Variants in RNF185 observed in about 807,000 individuals in gnomAD.
The protein encoded by RNF185 is ring finger protein 185, also known as E3 ubiquitin-protein ligase RNF185.
A neutral mutation model predicts 24.9 loss-of-function variants in RNF185; 13 were observed. That is an observed-to-expected ratio of 0.52 (90% CI 0.34 to 0.83). RNF185 has a LOEUF of 0.83. RNF185 is among the 40% of genes least tolerant of loss of function. RNF185 has a pLI of 0.01. For missense variants in RNF185, 184 were observed against 244.7 expected (o/e 0.75, Z 1.65); for synonymous variants, 79 against 90.3 (o/e 0.88, Z 0.71).
chr22:31,192,263 G>C (rs1167652607), intron 2 of RNF185, among the ~76,000 whole-genome samples: 2 of 152,210 alleles, frequency 1.3e-5, no homozygotes, highest in African/African-American at 4.8e-5. Context: ...GTGTAAAATA[G>C]TGTGTAGTAC....
At chr22:31,176,711 A>G (rs1347191240) in intron 1 of RNF185, among the ~76,000 whole-genome samples, 1 of 151,596 alleles carries the variant, frequency 6.6e-6, no homozygotes, top group African/African-American at 2.4e-5. Flanking sequence ...GATGGTCTCG[A>G]TCTCCTGACC....
At chr22:31,170,072 C>T (rs920698432) in intron 1 of RNF185, among the ~76,000 whole-genome samples, 5 of 152,212 alleles carry the variant, frequency 3.3e-5, no homozygotes, top group Non-Finnish European at 5.9e-5. Context: ...GTCCTGGGTC[C>T]AGTTGCCAGG....
chr22:31,200,013 C>A lies in RNF185; in HGVS notation c.364-1485C>A, dbSNP rs116501741. Among the ~76,000 whole-genome samples, 779 of 152,234 alleles carry A rather than the reference C, an allele frequency of 5.1e-3. 5 individuals carry two copies. Among genetic ancestry groups the A allele is most frequent in the African/African-American group, 0.018 (739 of 41,538 alleles). ...AAATCATTTGTTCTAAACCTCTCAT[C>A]AGGGGTGCAGGGGAAGAGAAAAAAA... is the stretch of plus-strand genomic sequence containing the variant. On this transcript the variant is annotated intron_variant, in intron 5 of 6. Transcript: ENST00000326132.
chr22:31,200,435 G>A (rs545534135), intron 5 of RNF185, among the ~76,000 whole-genome samples: 1 of 152,194 alleles, frequency 6.6e-6, no homozygotes, highest in Non-Finnish European at 1.5e-5. Flanking sequence ...TGTACTCCTT[G>A]GTCAAGTTAT....
chr22:31,201,295 A>G (rs1293282341), intron 5 of RNF185, among the ~76,000 whole-genome samples: 1 of 152,258 alleles, frequency 6.6e-6, no homozygotes, highest in Non-Finnish European at 1.5e-5. Flanking sequence ...CTAAGGCTAA[A>G]AGGGCAGAGG....
intron 4 of RNF185, among the ~76,000 whole-genome samples, chr22:31,196,416 C>T (rs1246315813): frequency 6.6e-6 from 1 of 152,202 alleles, no homozygotes; most frequent in Non-Finnish European, 1.5e-5. Flanking sequence ...TATTGTATAA[C>T]TAAGCCCTCA....
intron 1 of RNF185, 128 bp from the exon 2 acceptor site, chr22:31,186,919 C>A (rs2048104758): frequency 2.9e-6 from 2 of 695,026 alleles, no homozygotes; most frequent in African/African-American, 1.8e-5. Context: ...TTCTGTAGCG[C>A]TTTGGGAAGT....
At chr22:31,204,305 T>C (rs1255960852) in intron 6 of RNF185, among the ~76,000 whole-genome samples, 184 bp from the exon 7 acceptor site, 1 of 151,032 alleles carries the variant, frequency 6.6e-6, no homozygotes, top group Non-Finnish European at 1.5e-5. Context: ...ATCGTGCCAC[T>C]GCACTCTAGC....
chr22:31,187,012 C>A, intron 1 of RNF185, 35 bp from the exon 2 acceptor site: 1 of 1,410,040 alleles, frequency 7.1e-7, no homozygotes, highest in Non-Finnish European at 9.7e-7. Flanking sequence ...GAGAGGGCTG[C>A]AGAAATGGAC....
chr22:31,182,908 T>TTTATTTTTA (rs1555881898), intron 1 of RNF185: 5 of 143,052 alleles, frequency 3.5e-5, no homozygotes, highest in African/African-American at 1.3e-4. Flanking sequence ...ATTTATTTTA[T>TTTATTTTTA]TTATTATTAT....
At chr22:31,198,847 C>A (rs972117906) in intron 5 of RNF185, among the ~76,000 whole-genome samples, 3 of 147,732 alleles carry the variant, frequency 2.0e-5, no homozygotes, top group Non-Finnish European at 4.5e-5. Context: ...GTAATCTCAG[C>A]ACTTTGGGAG....
At chr22:31,195,876 G>A (rs939457582) in intron 4 of RNF185, among the ~76,000 whole-genome samples, 1 of 152,220 alleles carries the variant, frequency 6.6e-6, no homozygotes, top group Non-Finnish European at 1.5e-5. Context: ...CCAGGGAGCA[G>A]GGTTGCTGCA....
intron 1 of RNF185, among the ~76,000 whole-genome samples, chr22:31,166,310 T>C (rs1923915309): frequency 6.6e-6 from 1 of 151,886 alleles, no homozygotes; most frequent in Admixed American, 6.6e-5. Context: ...ATTTTAGACA[T>C]TTTGGGAAAT....
chr22:31,164,583 CTTTTTTTTTTTT>C (rs200649012), intron 1 of RNF185, among the ~76,000 whole-genome samples: 1 of 91,734 alleles, frequency 1.1e-5, no homozygotes, highest in Non-Finnish European at 2.1e-5. Context: ...TCCTCATTGT[CTTTTTTTTTTTT>C]TTTTTTTTTT....
At chr22:31,201,880 G>A (rs1213849597) in intron 6 of RNF185, among the ~76,000 whole-genome samples, 1 of 152,150 alleles carries the variant, frequency 6.6e-6, no homozygotes, top group South Asian at 2.1e-4. Context: ...ACAGGTGTGT[G>A]ATTAGCTGCG....
intron 1 of RNF185, among the ~76,000 whole-genome samples, chr22:31,168,638 C>T (rs899871664): frequency 1.3e-5 from 2 of 152,172 alleles, no homozygotes; most frequent in African/African-American, 2.4e-5. Flanking sequence ...TGAGGAGCCT[C>T]TGTGCTGTTT....
chr22:31,174,534 C>T (rs1356296093), intron 1 of RNF185, among the ~76,000 whole-genome samples: 1 of 152,090 alleles, frequency 6.6e-6, no homozygotes, highest in African/African-American at 2.4e-5. Flanking sequence ...CACACGCCAC[C>T]ATACCTGGCT....
At chr22:31,198,028 TAAAG>T (rs1318482390) in intron 5 of RNF185, among the ~76,000 whole-genome samples, 1 of 152,230 alleles carries the variant, frequency 6.6e-6, no homozygotes, top group South Asian at 2.1e-4. Flanking sequence ...GTTAAAATGT[TAAAG>T]AAATTTTAAA....
At chr22:31,184,923 CG>C (rs1295566717) in intron 1 of RNF185, among the ~76,000 whole-genome samples, 1 of 97,388 alleles carries the variant, frequency 1.0e-5, no homozygotes, top group South Asian at 3.9e-4. Flanking sequence ...AGACGAGGAC[CG>C]TGCAAAGGGG....
Sources: allele counts gnomAD v4.1 joint callset (sites outside exome capture counted in the v4.1 genomes callset), GRCh38; gene constraint gnomAD v4.1.1; transcripts MANE v1.5; gene names NCBI Gene and HGNC (gene_info 2026-07-23, HGNC 2026-07-21).